TOP1: variants seen among roughly 807,000 people sequenced by gnomAD.
TOP1 encodes the protein DNA topoisomerase 1.
In TOP1, 10 loss-of-function variants were observed where a neutral mutation model predicts 111.1. That is an observed-to-expected ratio of 0.09 (90% confidence interval 0.06 to 0.15). TOP1 has a LOEUF of 0.15. Among genes scored for constraint, TOP1 ranks in the 10% least tolerant of loss-of-function variants. The pLI is 1.00. For synonymous variants in TOP1, 271 were observed against 302.9 expected, an observed-to-expected ratio of 0.89 and a Z score of 1.10; for missense variants, 474 against 926.7, an observed-to-expected ratio of 0.51 and a Z score of 6.34.
In TOP1 at chr20:41,121,830, A is replaced by G. The variant is rs1252187686; in HGVS notation, c.2045+40A>G. On this transcript the variant is annotated intron_variant, in intron 19 of 20. Transcript: ENST00000361337. This position sits in a 1 kb window ranked among gnomAD's most constrained non-coding sequence, Gnocchi z 4.2. ...TTGTGAAAGTTGGGGCTGGTAGAGA[A>G]AAGTGTGCAGCATCTGTCAGGGCCC... 8 of 1,598,790 alleles carry G rather than the reference A, an allele frequency of 5.0e-6. No individual in the cohort carries two copies. The highest frequency in any genetic ancestry group is 6.9e-6 in the Non-Finnish European group (8 of 1,166,082).
Position 41,097,295 on chromosome 20 carries a change from C to T in TOP1, c.806C>T (p.Thr269Ile). 6.2e-7 allele frequency: 1 copy of T among 1,613,744 alleles called. No homozygotes were observed. The highest frequency in any genetic ancestry group is 8.5e-7 in the Non-Finnish European group (1 of 1,179,778). ...GCAAAAATGCTCGACCATGAATATACTACCAAGGAAATATTTAGGAAAAAT... is the reference window on the plus strand; with the variant it reads ...GCAAAAATGCTCGACCATGAATATATTACCAAGGAAATATTTAGGAAAAAT... Reference protein sequence around the residue: ...FFAKMLDHEYTTKEIFRKNFF... With the variant: ...FFAKMLDHEYITKEIFRKNFF... Residue 269 changes from threonine to isoleucine, a missense_variant, in exon 10 of 21, where the codon ACT becomes ATT. By Grantham distance (89) the Thr-to-Ile change is moderately conservative. This residue lies in a region of TOP1 where 84 missense variants were observed against 119.2 expected (regional missense o/e 0.70). Transcript: ENST00000361337. The surrounding 1 kb of genome is among the most constrained non-coding windows in gnomAD (Gnocchi z 4.2).
At chr20:41,081,355 G>T in intron 7 of TOP1, 115 bp downstream of exon 7, 1 of 1,262,642 alleles carries the variant, frequency 7.9e-7, no homozygotes, top group Non-Finnish European at 1.0e-6. Flanking sequence ...TATAACATTA[G>T]GGAAAACAAA....
chr20:41,037,906 A>G (rs2033209662), intron 2 of TOP1, among the ~76,000 whole-genome samples: 1 of 152,190 alleles, frequency 6.6e-6, no homozygotes, highest in Non-Finnish European at 1.5e-5. Flanking sequence ...AGGAGGACAT[A>G]ATTTTGTTGT....
At position 41,100,998 on chromosome 20, in the gene TOP1, A is replaced by T. The variant is rs945807259; in HGVS notation, c.1164-211A>T. Among the ~76,000 whole-genome samples the T allele has an allele frequency of 6.6e-6, 1 of 152,198 alleles. No individual in the cohort carries two copies. The highest frequency in any genetic ancestry group is 2.4e-5 in the African/African-American group (1 of 41,446). On this transcript the variant is annotated intron_variant, in intron 12 of 20. Coordinates refer to ENST00000361337, the MANE Select transcript of TOP1 (RefSeq NM_003286.4). This position sits in a 1 kb window ranked among gnomAD's most constrained non-coding sequence, Gnocchi z 4.4. The stretch of plus-strand genomic sequence containing the variant: ...AATGATGTGCAATTTAAAACTTACA[A>T]AATGTTTATTTCTGGAATTTTGTAT...
At position 41,085,143 on chromosome 20, in the gene TOP1, T is replaced by C. The variant is rs73259878; in HGVS notation, c.614+575T>C. ...ATACAAAGGGCTGATATTCCTAATA[T>C]GAAAAAAAGCTCTTTTAAAACAAAT... On this transcript the variant is annotated intron_variant, in intron 8 of 20. Transcript: ENST00000361337. 3.6e-4 allele frequency among the ~76,000 whole-genome samples: 54 copies of C among 149,426 alleles called. 1 individual carries two copies. The East Asian group carries it at 4.9e-3, about 13-fold the overall frequency.
intron 3 of TOP1, among the ~76,000 whole-genome samples, chr20:41,064,592 ATGTTTTC>A (rs376656241): frequency 1.1e-3 from 163 of 152,284 alleles, no homozygotes; most frequent in Non-Finnish European, 1.8e-3. Context: ...TAAACATAGC[ATGTTTTC>A]TGATGCCGCT....
Position 41,030,672 on chromosome 20 carries a change from A to G in TOP1, c.58+1217A>G, listed in dbSNP as rs146659944. Reference sequence around the variant, plus strand: ...GTGCTGGGAATTCCCACTGATTTTGATGGTACATAATCCTGCTCAATTGAG... The same window carrying G: ...GTGCTGGGAATTCCCACTGATTTTGGTGGTACATAATCCTGCTCAATTGAG... On this transcript the variant is annotated intron_variant, in intron 2 of 20. Transcript: ENST00000361337. The surrounding 1 kb of genome is among the most constrained non-coding windows in gnomAD (Gnocchi z 4.1). Among the ~76,000 whole-genome samples the G allele has an allele frequency of 1.8e-3, 272 of 152,236 alleles. No homozygotes were observed. The highest frequency in any genetic ancestry group is 6.4e-3 in the African/African-American group (265 of 41,530).
At chr20:41,117,646 A>G (rs1378446737) in intron 17 of TOP1, among the ~76,000 whole-genome samples, 1 of 151,926 alleles carries the variant, frequency 6.6e-6, no homozygotes, top group Non-Finnish European at 1.5e-5. Context: ...CGGCCTCCCA[A>G]AGTGCTGGGA....
Position 41,029,334 on chromosome 20 carries a change from C to G in TOP1, c.34-97C>G. 1.7e-6 allele frequency: 2 copies of G among 1,177,784 alleles called. No homozygotes were observed. Among genetic ancestry groups the G allele is most frequent in the Non-Finnish European group, 1.1e-6 (1 of 870,528 alleles). 73.0% of individuals were successfully genotyped at this position (1,177,784 alleles called of 1,614,324 possible). On this transcript the variant is annotated intron_variant, in intron 1 of 20. Transcript: ENST00000361337. This position sits in a 1 kb window ranked among gnomAD's most constrained non-coding sequence, Gnocchi z 6.1. ...GCCACCCCCGGGTCCCCGTCCTCCC[C>G]GGGGGCGCAGGGTGAGCCAGACCCC...
intron 2 of TOP1, among the ~76,000 whole-genome samples, chr20:41,033,955 G>T (rs1363517034): frequency 6.6e-6 from 1 of 151,988 alleles, no homozygotes; most frequent in Non-Finnish European, 1.5e-5. Flanking sequence ...TGTTTGAAAT[G>T]AGTATTTTGA....
In TOP1 at chr20:41,121,828, GAA is replaced by G; in HGVS notation, c.2045+41_2045+42del. The stretch of plus-strand genomic sequence containing the variant: ...TATTGTGAAAGTTGGGGCTGGTAGA[GAA>G]AAGTGTGCAGCATCTGTCAGGGCCC... On this transcript the variant is annotated intron_variant, in intron 19 of 20. Coordinates refer to ENST00000361337, the MANE Select transcript of TOP1 (RefSeq NM_003286.4). This position sits in a 1 kb window ranked among gnomAD's most constrained non-coding sequence, Gnocchi z 4.2. 1 of 1,600,444 alleles carries G rather than the reference GAA, an allele frequency of 6.2e-7. No homozygotes were observed. Among genetic ancestry groups the G allele is most frequent in the Non-Finnish European group, 8.6e-7 (1 of 1,167,552 alleles).
chr20:41,117,379 A>G (rs929801278), intron 17 of TOP1, among the ~76,000 whole-genome samples: 1 of 126,540 alleles, frequency 7.9e-6, no homozygotes, highest in Non-Finnish European at 1.6e-5. Context: ...ACTGTGGCTT[A>G]ATTTTTTTTT....
At position 41,110,596 on chromosome 20, in the gene TOP1, A is replaced by C. The variant is rs937168936; in HGVS notation, c.1309-2186A>C. Among the ~76,000 whole-genome samples the C allele has an allele frequency of 2.0e-5, 3 of 152,242 alleles. No individual in the cohort carries two copies. The highest frequency in any genetic ancestry group is 4.8e-5 in the African/African-American group (2 of 41,462). On this transcript the variant is annotated intron_variant, in intron 13 of 20. Coordinates refer to ENST00000361337, the MANE Select transcript of TOP1 (RefSeq NM_003286.4). This position sits in a 1 kb window ranked among gnomAD's most constrained non-coding sequence, Gnocchi z 4.2. ...CCACTCTGCTGAATGGATAGCAGCTATATTAGAGAGACAATATAGTGGGCC... is the reference window on the plus strand; with the variant it reads ...CCACTCTGCTGAATGGATAGCAGCTCTATTAGAGAGACAATATAGTGGGCC...
intron 3 of TOP1, among the ~76,000 whole-genome samples, chr20:41,070,075 G>C (rs755882958): frequency 6.6e-5 from 10 of 152,088 alleles, no homozygotes; most frequent in Non-Finnish European, 1.2e-4. Flanking sequence ...ACTAAAAATC[G>C]GGGGGAAATG....
rs1242688977 is a variant in TOP1, at chr20:41,115,837, G to A, written c.1707+398G>A. 6.6e-6 allele frequency among the ~76,000 whole-genome samples: 1 copy of A among 152,168 alleles called. No individual in the cohort carries two copies. Reference sequence around the variant, plus strand: ...ACCTGGGCCAGGCTTGGTGGCTTACGCCTGTTATCCCAGCACTTTGAGAGG... The same window carrying A: ...ACCTGGGCCAGGCTTGGTGGCTTACACCTGTTATCCCAGCACTTTGAGAGG... On this transcript the variant is annotated intron_variant, in intron 16 of 20. Coordinates refer to ENST00000361337, the MANE Select transcript of TOP1 (RefSeq NM_003286.4). This position sits in a 1 kb window ranked among gnomAD's most constrained non-coding sequence, Gnocchi z 6.3.
At chr20:41,055,232 A>G (rs1410736769) in intron 2 of TOP1, among the ~76,000 whole-genome samples, 1 of 152,240 alleles carries the variant, frequency 6.6e-6, no homozygotes, top group Non-Finnish European at 1.5e-5. Flanking sequence ...TGATGATTTA[A>G]TGTGCACTGG....
At chr20:41,057,422 T>C (rs1478425279) in intron 2 of TOP1, among the ~76,000 whole-genome samples, 1 of 152,180 alleles carries the variant, frequency 6.6e-6, no homozygotes, top group Non-Finnish European at 1.5e-5. Context: ...CAGACTGTTA[T>C]CTGAAACCTG....
At chr20:41,062,344 G>C (rs1191016653) in intron 3 of TOP1, among the ~76,000 whole-genome samples, 2 of 152,186 alleles carry the variant, frequency 1.3e-5, no homozygotes, top group East Asian at 3.8e-4. Flanking sequence ...ACAAGTTAAA[G>C]TGAGAATTGC....
rs2034448547 is a variant in TOP1 at position 41,123,185 on chromosome 20, T to G, written c.2196-10T>G. 1 of 1,607,314 alleles carries G rather than the reference T, an allele frequency of 6.2e-7. No homozygotes were observed. The highest frequency in any genetic ancestry group is 1.7e-5 in the Admixed American group (1 of 59,992). Reference sequence around the variant, plus strand: ...CCCTAATCCCCCCCTTATTTCTCCTTTGTTTGCAGGTGCAAGAAGTGGGGT... The same window carrying G: ...CCCTAATCCCCCCCTTATTTCTCCTGTGTTTGCAGGTGCAAGAAGTGGGGT... On this transcript the variant is annotated splice_polypyrimidine_tract_variant and intron_variant, in intron 20 of 20. Coordinates refer to ENST00000361337, the MANE Select transcript of TOP1 (RefSeq NM_003286.4). The surrounding 1 kb of genome is among the most constrained non-coding windows in gnomAD (Gnocchi z 5.8).
Sources: allele counts gnomAD v4.1 joint callset (sites outside exome capture counted in the v4.1 genomes callset), GRCh38; gene constraint gnomAD v4.1.1; regional missense constraint gnomAD v4.1.1; non-coding constraint Gnocchi (gnomAD v3.1); transcripts MANE v1.5; gene names NCBI Gene and HGNC (gene_info 2026-07-23, HGNC 2026-07-21).